PCDHGA7: variants seen among roughly 807,000 people sequenced by gnomAD.
PCDHGA7 encodes protocadherin gamma-A7.
Under a neutral mutation model 58.3 loss-of-function variants are expected in PCDHGA7, and 44 were observed. The ratio of observed to expected loss-of-function variants is 0.75; its 90% CI spans 0.59 to 0.97. The LOEUF is 0.97. PCDHGA7 is among the 50% of genes least tolerant of loss of function. The pLI, the probability that PCDHGA7 is intolerant of heterozygous loss-of-function variation, is 0.00. For synonymous variants in PCDHGA7, 516 were observed against 504.2 expected (o/e 1.02, Z -0.31); for missense variants, 1,266 against 1,188.7 (o/e 1.06, Z -0.96).
chr5:141,453,721 A>G (rs373983847), intron 1 of PCDHGA7, among the ~76,000 whole-genome samples: 4 of 152,244 alleles, frequency 2.6e-5, no homozygotes, highest in East Asian at 1.9e-4. Flanking sequence ...CTATAAAAAT[A>G]TTTGTTACTA....
intron 1 of PCDHGA7, chr5:141,415,444 T>A (rs770800491): frequency 1.9e-6 from 3 of 1,614,184 alleles, no homozygotes; most frequent in Non-Finnish European, 2.5e-6. Context: ...CCTGCAGACC[T>A]ATTCCCACGA....
At chr5:141,408,213 G>A in intron 1 of PCDHGA7, 1 of 1,554,970 alleles carries the variant, frequency 6.4e-7, no homozygotes, top group South Asian at 1.2e-5. Flanking sequence ...ATGGGAGGGA[G>A]CTGCGCGCAG....
In PCDHGA7 at chr5:141,415,739, GGTTTTT is replaced by G; in HGVS notation, c.2424+30417_2424+30422del. On this transcript the variant is annotated intron_variant, in intron 1 of 3. Coordinates refer to ENST00000518325, the MANE Select transcript of PCDHGA7 (RefSeq NM_018920.4). ...ATGAGTAGAATTTGATGTTTATTAA[GGTTTTT>G]TTTTTTTTTTTTTTTTTTTTTTTTT... is the stretch of plus-strand genomic sequence containing the variant. 1.4e-4 allele frequency: 59 copies of G among 434,890 alleles called. 1 individual carries two copies. The African/African-American group carries it at 1.6e-3, about 12-fold the overall frequency. The allele number at this position is 434,890 out of a possible 1,614,324, so 26.9% of individuals were successfully genotyped here.
At chr5:141,497,878 C>T (rs553853040) in intron 2 of PCDHGA7, among the ~76,000 whole-genome samples, 32 of 152,256 alleles carry the variant, frequency 2.1e-4, no homozygotes, top group Non-Finnish European at 3.5e-4. Flanking sequence ...GTGAAATAAG[C>T]GTTAGGATCT....
intron 1 of PCDHGA7, chr5:141,400,414 C>G: frequency 6.2e-7 from 1 of 1,614,058 alleles, no homozygotes; most frequent in African/African-American, 1.3e-5. Flanking sequence ...GTTTAATTTC[C>G]TAAAATGTAG....
chr5:141,478,199 C>T lies in PCDHGA7; in HGVS notation c.2425-16608C>T, dbSNP rs759439765. 3.7e-6 allele frequency: 6 copies of T among 1,614,056 alleles called. No homozygotes were observed. The Middle Eastern group carries it at 6.6e-4, about 178-fold the overall frequency. On this transcript the variant is annotated intron_variant, in intron 1 of 3. Coordinates refer to ENST00000518325, the MANE Select transcript of PCDHGA7 (RefSeq NM_018920.4). ...GAAAAAAAATCTCACCTTTTATCTA[C>T]TTCTTTCTCTAATCCTGGTTTCTGT...
intron 1 of PCDHGA7, among the ~76,000 whole-genome samples, chr5:141,420,868 G>C (rs1479734969): frequency 6.6e-6 from 1 of 152,222 alleles, no homozygotes; most frequent in Non-Finnish European, 1.5e-5. Context: ...GTCACATAAT[G>C]TAAGTATTGT....
intron 3 of PCDHGA7, among the ~76,000 whole-genome samples, chr5:141,510,518 GC>G (rs2099881500): frequency 6.6e-6 from 1 of 152,112 alleles, no homozygotes; most frequent in Non-Finnish European, 1.5e-5. Context: ...CCGTGTCACA[GC>G]CCTGAGAGAA....
intron 1 of PCDHGA7, among the ~76,000 whole-genome samples, chr5:141,481,655 T>A (rs933683728): frequency 1.3e-5 from 2 of 152,054 alleles, no homozygotes; most frequent in African/African-American, 4.8e-5. Flanking sequence ...TCATCTCTAC[T>A]AATAATACAA....
chr5:141,469,553 G>A (rs989713451), intron 1 of PCDHGA7, among the ~76,000 whole-genome samples: 2 of 152,086 alleles, frequency 1.3e-5, no homozygotes, highest in African/African-American at 2.4e-5. Flanking sequence ...CCAGCCTGGC[G>A]ACAGAGTGAG....
intron 2 of PCDHGA7, among the ~76,000 whole-genome samples, chr5:141,499,015 AG>A (rs2099788530): frequency 6.6e-6 from 1 of 151,284 alleles, no homozygotes; most frequent in Non-Finnish European, 1.5e-5. Context: ...GAAGGAAGGA[AG>A]GAAGGAAGGA....
chr5:141,399,896 T>G (rs1271195619), intron 1 of PCDHGA7: 2 of 1,612,518 alleles, frequency 1.2e-6, no homozygotes, highest in Non-Finnish European at 8.5e-7. Flanking sequence ...GTAGTGGCCG[T>G]GGACGCAGAC....
At position 141,490,632 on chromosome 5, in the gene PCDHGA7, A is replaced by C; in HGVS notation, c.2425-4175A>C. Reference sequence around the variant, plus strand: ...AGCAGCTTTACACTGCTTACATCCTAGAAAACCGGCCTCCGGGCTCCCTTC... The same window carrying C: ...AGCAGCTTTACACTGCTTACATCCTCGAAAACCGGCCTCCGGGCTCCCTTC... On this transcript the variant is annotated intron_variant, in intron 1 of 3. Transcript: ENST00000518325. This position sits in a 1 kb window ranked among gnomAD's most constrained non-coding sequence, Gnocchi z 5.4. The C allele has an allele frequency of 1.2e-6, 2 of 1,614,196 alleles. No individual in the cohort carries two copies. Among genetic ancestry groups the C allele is most frequent in the South Asian group, 1.1e-5 (1 of 91,088 alleles).
intron 1 of PCDHGA7, chr5:141,419,788 A>G (rs750179874): frequency 6.2e-7 from 1 of 1,614,054 alleles, no homozygotes; most frequent in Non-Finnish European, 8.5e-7. Context: ...AGCGCCTGCT[A>G]GTCGCTGTAA....
rs769551114 is a variant in PCDHGA7, at chr5:141,402,989, T to A, written c.2424+17666T>A. On this transcript the variant is annotated intron_variant, in intron 1 of 3. Coordinates refer to ENST00000518325, the MANE Select transcript of PCDHGA7 (RefSeq NM_018920.4). ...AACCAAATGCCAGCTCCGCGGAAGA[T>A]TAGTCCTGCTATGCTCGCTCCTGGG... The A allele has an allele frequency of 2.5e-6, 4 of 1,611,874 alleles. No homozygotes were observed. Among genetic ancestry groups the A allele is most frequent in the Non-Finnish European group, 3.4e-6 (4 of 1,179,236 alleles).
In PCDHGA7 at chr5:141,489,094, G is replaced by T; in HGVS notation, c.2425-5713G>T. The T allele has an allele frequency of 1.5e-5, 6 of 395,994 alleles. No homozygotes were observed. The highest frequency in any genetic ancestry group is 4.1e-5 in the East Asian group (1 of 24,388). The allele number at this position is 395,994 out of a possible 1,614,324, so 24.5% of individuals were successfully genotyped here. ...CCCACCCCCGCCACTCGGTGACTAA[G>T]AACTGCTGCAAGCAGGCAAACCTCC... On this transcript the variant is annotated intron_variant, in intron 1 of 3. Coordinates refer to ENST00000518325, the MANE Select transcript of PCDHGA7 (RefSeq NM_018920.4). This position sits in a 1 kb window ranked among gnomAD's most constrained non-coding sequence, Gnocchi z 4.5.
At chr5:141,427,969 A>G (rs1239461810) in intron 1 of PCDHGA7, 1 of 1,591,942 alleles carries the variant, frequency 6.3e-7, no homozygotes, top group Admixed American at 1.7e-5. Context: ...CGGGTGCTGT[A>G]CCCCGCGCTG....
At chr5:141,434,240 T>A (rs979144259) in intron 1 of PCDHGA7, among the ~76,000 whole-genome samples, 1 of 152,336 alleles carries the variant, frequency 6.6e-6, no homozygotes, top group East Asian at 1.9e-4. Flanking sequence ...CTGGACTAGA[T>A]GACTTGGGCA....
In PCDHGA7 at chr5:141,392,739, A is replaced by G. The variant is rs1024855569; in HGVS notation, c.2424+7416A>G. On this transcript the variant is annotated intron_variant, in intron 1 of 3. Transcript: ENST00000518325. ...GTTTCCGGAGGATTGTCATCTCCAT[A>G]GCTGCGGCAAGAAACTAAATAAGAC... The G allele has an allele frequency of 2.1e-5, 30 of 1,432,662 alleles. No individual in the cohort carries two copies. The African/African-American group carries it at 4.2e-4, about 20-fold the overall frequency. 88.7% of individuals were successfully genotyped at this position (1,432,662 alleles called of 1,614,324 possible).
Sources: gnomAD v4.1 joint callset for allele counts (sites outside exome capture counted in the v4.1 genomes callset) on GRCh38, gnomAD v4.1.1 for gene constraint, Gnocchi (gnomAD v3.1) non-coding constraint, MANE v1.5 for transcripts, NCBI Gene and HGNC (gene_info 2026-07-23, HGNC 2026-07-21) for gene names.